The following CXCL6 variants were observed in gnomAD, a reference collection of about 807,000 sequenced individuals.
The protein encoded by CXCL6 is C-X-C motif chemokine ligand 6.
In CXCL6, 18 loss-of-function variants were observed where a neutral mutation model predicts 10.5. That is an observed-to-expected ratio of 1.71 (90% confidence interval 1.18 to 2.54). The LOEUF (loss-of-function observed/expected upper bound fraction) is 2.54, where lower values mean the gene tolerates loss of function less well. Among genes scored for constraint, CXCL6 ranks in the 30% most tolerant of loss-of-function variants. The probability of loss-of-function intolerance (pLI) is 0.00; values close to 1 mark genes in which losing one functional copy is unlikely to be tolerated. For missense variants in CXCL6, 171 were observed against 145.7 expected, an observed-to-expected ratio of 1.17 and a Z score of -0.90; for synonymous variants, 82 against 68.3, an observed-to-expected ratio of 1.20 and a Z score of -0.99.
In CXCL6 at chr4:73,837,604, ATAACTCTTTT is replaced by A; in HGVS notation, c.327-18_327-9del. ...GAGTGTGGGAATTGGTTATACTAAT[ATAACTCTTTT>A]CTCAACAGTGGAAACAAGAAAAACT... On this transcript the variant is annotated splice_polypyrimidine_tract_variant and intron_variant, in intron 3 of 3. Coordinates refer to ENST00000226317, the MANE Select transcript of CXCL6 (RefSeq NM_002993.4). 1.3e-6 allele frequency: 2 copies of A among 1,565,852 alleles called. No homozygotes were observed.
In CXCL6 at chr4:73,837,080, T is replaced by G; in HGVS notation, c.226T>G (p.Ser76Ala). The G allele has an allele frequency of 1.2e-6, 2 of 1,613,618 alleles. No individual in the cohort carries two copies. The highest frequency in any genetic ancestry group is 1.7e-6 in the Non-Finnish European group (2 of 1,179,742). The change falls in exon 2 of 4, where the codon TCC (serine) becomes GCC (alanine). Residue 76 changes from serine to alanine, a missense_variant. Coordinates refer to ENST00000226317, the MANE Select transcript of CXCL6 (RefSeq NM_002993.4). ...LQVFPAGPQC[S>A]KVEVVASLKN... ...GGTGTTCCCCGCAGGCCCGCAGTGCTCCAAGGTGGAAGTGGTGTAAGTTCT... is the reference window on the plus strand; with the variant it reads ...GGTGTTCCCCGCAGGCCCGCAGTGCGCCAAGGTGGAAGTGGTGTAAGTTCT...
In CXCL6 at chr4:73,838,361, A is replaced by G. The variant is rs931261796; in HGVS notation, c.*720A>G. Reference sequence around the variant, plus strand: ...ATTTTGTATGCTATTTTTTCACTATAGGATGACTATAATTCTGGTCACTAA... The same window carrying G: ...ATTTTGTATGCTATTTTTTCACTATGGGATGACTATAATTCTGGTCACTAA... On this transcript the variant is annotated 3_prime_UTR_variant, in exon 4 of 4. Transcript: ENST00000226317. The G allele has an allele frequency of 3.9e-5, 6 of 152,194 alleles. No homozygotes were observed. Among genetic ancestry groups the G allele is most frequent in the Non-Finnish European group, 7.4e-5 (5 of 68,018 alleles). 9.4% of individuals were successfully genotyped at this position (152,194 alleles called of 1,614,324 possible).
At chr4:73,836,920 A>T (rs992277974) in intron 1 of CXCL6, 44 bp from the exon 2 acceptor site, 9 of 1,605,034 alleles carry the variant, frequency 5.6e-6, no homozygotes, top group Non-Finnish European at 7.7e-6. Context: ...GTTCCAGGGA[A>T]CTCTCCCAGC....
rs1731109615 is a variant in CXCL6, at chr4:73,836,759, C to T, written c.9C>T (p.Leu3=). Residue 3 remains leucine, a synonymous_variant, in exon 1 of 4, where the codon CTC becomes CTT. Coordinates refer to ENST00000226317, the MANE Select transcript of CXCL6 (RefSeq NM_002993.4). ...ACCCTCTCTTGACCACTATGAGCCT[C>T]CCGTCCAGCCGCGCGGCCCGTGTCC... MS[L]PSSRAARVPG... is the part of the protein sequence containing the mutation. The T allele has an allele frequency of 6.2e-7, 1 of 1,609,968 alleles. No homozygotes were observed. Among genetic ancestry groups the T allele is most frequent in the African/African-American group, 1.3e-5 (1 of 74,928 alleles).
At chr4:73,837,150 T>G in intron 2 of CXCL6, 53 bp from the exon 3 acceptor site, 3 of 1,613,690 alleles carry the variant, frequency 1.9e-6, no homozygotes, top group Admixed American at 1.7e-5. Flanking sequence ...TCCTCCAGCC[T>G]GGGTCGTCAA....
In CXCL6 at chr4:73,837,378, C is replaced by T. The variant is rs766602848; in HGVS notation, c.326+92C>T. 256 of 1,265,786 alleles carry T rather than the reference C, an allele frequency of 2.0e-4. 1 individual carries two copies. The highest frequency in any genetic ancestry group is 2.8e-4 in the Non-Finnish European group (242 of 878,650). 78.4% of individuals were successfully genotyped at this position (1,265,786 alleles called of 1,614,324 possible). ...CCTTATTCTCTCTGTAGGATTTAGA[C>T]TATGCTTAGAATTATAAGGTTGTTA... On this transcript the variant is annotated intron_variant, in intron 3 of 3. Transcript: ENST00000226317.
rs1469513124 is a variant in CXCL6 at position 73,836,869 on chromosome 4, C to T, written c.109+10C>T. On this transcript the variant is annotated intron_variant, in intron 1 of 3. Transcript: ENST00000226317. Reference sequence around the variant, plus strand: ...GGGCCCCTCGCCAGCGGTGAGAGCTCCTGGCACTGGGGTGCATCCCAGCCT... The same window carrying T: ...GGGCCCCTCGCCAGCGGTGAGAGCTTCTGGCACTGGGGTGCATCCCAGCCT... 5.0e-6 allele frequency: 8 copies of T among 1,612,290 alleles called. No individual in the cohort carries two copies. The highest frequency in any genetic ancestry group is 6.8e-6 in the Non-Finnish European group (8 of 1,179,016).
At chr4:73,837,476 A>G (rs1731130088) in intron 3 of CXCL6, 147 bp from the exon 4 acceptor site, 3 of 934,340 alleles carry the variant, frequency 3.2e-6, no homozygotes, top group South Asian at 3.0e-5. Context: ...TGCCTGAACA[A>G]TTACACAGAG....
chr4:73,837,698 T>C lies in CXCL6; in HGVS notation c.*57T>C, dbSNP rs1469777673. The C allele has an allele frequency of 7.0e-7, 1 of 1,426,098 alleles. No individual in the cohort carries two copies. The highest frequency in any genetic ancestry group is 2.5e-5 in the East Asian group (1 of 40,430). The allele number at this position is 1,426,098 out of a possible 1,614,324, so 88.3% of individuals were successfully genotyped here. ...CCCAGTCTTCAGCGGAGCAGTTTTCTGGAGATCCCTGGACCCAGTAAGAAT... is the reference window on the plus strand; with the variant it reads ...CCCAGTCTTCAGCGGAGCAGTTTTCCGGAGATCCCTGGACCCAGTAAGAAT... On this transcript the variant is annotated 3_prime_UTR_variant, in exon 4 of 4. Transcript: ENST00000226317.
rs1288340222 is a variant in CXCL6, at chr4:73,838,713, T to C, written c.*1072T>C. The C allele has an allele frequency of 6.5e-6, 1 of 152,676 alleles. No homozygotes were observed. The highest frequency in any genetic ancestry group is 2.4e-5 in the African/African-American group (1 of 41,474). The allele number at this position is 152,676 out of a possible 1,614,324, so 9.5% of individuals were successfully genotyped here. A position where few individuals can be genotyped will look rare whatever the true frequency, so the allele number is the denominator to read the frequency against. Reference sequence around the variant, plus strand: ...TTTTCCTGTGTGTCATGTTGGTTTTTGGTACTTGTATTGTCATTTGGAGAA... The same window carrying C: ...TTTTCCTGTGTGTCATGTTGGTTTTCGGTACTTGTATTGTCATTTGGAGAA... On this transcript the variant is annotated 3_prime_UTR_variant, in exon 4 of 4. Coordinates refer to ENST00000226317, the MANE Select transcript of CXCL6 (RefSeq NM_002993.4).
At chr4:73,837,181 A>G (rs767067704) in intron 2 of CXCL6, 22 bp from the exon 3 acceptor site, 2 of 1,614,024 alleles carry the variant, frequency 1.2e-6, no homozygotes, top group South Asian at 1.1e-5. Context: ...TCATGGGTGC[A>G]TCCTCTTTTT....
Position 73,837,199 on chromosome 4 carries a change from T to A in CXCL6, c.243-4T>A. 6.2e-7 allele frequency: 1 copy of A among 1,614,158 alleles called. No individual in the cohort carries two copies. Among genetic ancestry groups the A allele is most frequent in the South Asian group, 1.1e-5 (1 of 91,086 alleles). ...TGGGTGCATCCTCTTTTTCTTTACT[T>A]CAGAGCCTCCCTGAAGAACGGGAAG... On this transcript the variant is annotated splice_polypyrimidine_tract_variant and splice_region_variant and intron_variant, in intron 2 of 3. Coordinates refer to ENST00000226317, the MANE Select transcript of CXCL6 (RefSeq NM_002993.4).
At position 73,837,933 on chromosome 4, in the gene CXCL6, G is replaced by C. The variant is rs1731140918; in HGVS notation, c.*292G>C. On this transcript the variant is annotated 3_prime_UTR_variant, in exon 4 of 4. Transcript: ENST00000226317. ...GTGAGCAAAGAATCACTGGTTATTA[G>C]TCTTTCAATGAATATTGAATTGAAG... is the stretch of plus-strand genomic sequence containing the variant. 3.3e-6 allele frequency: 1 copy of C among 300,450 alleles called. No homozygotes were observed. Among genetic ancestry groups the C allele is most frequent in the African/African-American group, 2.2e-5 (1 of 46,284 alleles). The allele number at this position is 300,450 out of a possible 1,614,324, so 18.6% of individuals were successfully genotyped here.
At position 73,836,963 on chromosome 4, in the gene CXCL6, G is replaced by C. The variant is rs370325279; in HGVS notation, c.110-1G>C. 3.1e-6 allele frequency: 5 copies of C among 1,606,024 alleles called. No homozygotes were observed. The highest frequency in any genetic ancestry group is 4.3e-6 in the Non-Finnish European group (5 of 1,175,942). On this transcript the variant is annotated splice_acceptor_variant, in intron 1 of 3. Coordinates refer to ENST00000226317, the MANE Select transcript of CXCL6 (RefSeq NM_002993.4). LOFTEE classifies it high-confidence loss of function. ...CCTATAAAAATGTCTTTCTTCCCCA[G>C]CTGGTCCTGTCTCTGCTGTGCTGAC... is the stretch of plus-strand genomic sequence containing the variant.
chr4:73,838,485 A>G lies in CXCL6; in HGVS notation c.*844A>G, dbSNP rs184482233. On this transcript the variant is annotated 3_prime_UTR_variant, in exon 4 of 4. Coordinates refer to ENST00000226317, the MANE Select transcript of CXCL6 (RefSeq NM_002993.4). Reference sequence around the variant, plus strand: ...TCTCTTGGTTTTTTAAATAAAAGCAAAATTAACAATGATCTGTGCTCTGAA... The same window carrying G: ...TCTCTTGGTTTTTTAAATAAAAGCAGAATTAACAATGATCTGTGCTCTGAA... The G allele has an allele frequency of 1.3e-5, 2 of 152,714 alleles. No homozygotes were observed. Among genetic ancestry groups the G allele is most frequent in the Admixed American group, 6.5e-5 (1 of 15,302 alleles). 9.5% of individuals were successfully genotyped at this position (152,714 alleles called of 1,614,324 possible). A position where few individuals can be genotyped will look rare whatever the true frequency, so the allele number is the denominator to read the frequency against.
intron 3 of CXCL6, 161 bp downstream of exon 3, chr4:73,837,447 C>A: frequency 3.2e-6 from 3 of 925,126 alleles, no homozygotes; most frequent in South Asian, 1.5e-5. Context: ...CTGGGTAAAC[C>A]TTTATCACCA....
In CXCL6 at chr4:73,838,417, A is replaced by G. The variant is rs1201091149; in HGVS notation, c.*776A>G. The G allele has an allele frequency of 6.6e-6, 1 of 152,262 alleles. No individual in the cohort carries two copies. The highest frequency in any genetic ancestry group is 1.5e-5 in the Non-Finnish European group (1 of 68,016). 9.4% of individuals were successfully genotyped at this position (152,262 alleles called of 1,614,324 possible). ...CACTTTAGATAGATGAAGAAGCCCA[A>G]AAACAGATAAATTCCTGATTGCTAA... On this transcript the variant is annotated 3_prime_UTR_variant, in exon 4 of 4. Coordinates refer to ENST00000226317, the MANE Select transcript of CXCL6 (RefSeq NM_002993.4).
chr4:73,836,858 C>A lies in CXCL6; in HGVS notation c.108C>A (p.Ser36Arg). The change falls in exon 1 of 4, where the codon AGC (serine) becomes AGA (arginine). Residue 36 changes from serine to arginine, a missense_variant and splice_region_variant. Physicochemically the swap from Ser to Arg is moderately radical, Grantham distance 110. Coordinates refer to ENST00000226317, the MANE Select transcript of CXCL6 (RefSeq NM_002993.4). The part of the protein sequence containing the change: ...LLLTPPGPLA[S>R]AGPVSAVLTE... ...TGACGCCGCCGGGGCCCCTCGCCAG[C>A]GGTGAGAGCTCCTGGCACTGGGGTG... 2 of 1,612,224 alleles carry A rather than the reference C, an allele frequency of 1.2e-6. No homozygotes were observed.
At chr4:73,837,546 C>A in intron 3 of CXCL6, 77 bp from the exon 4 acceptor site, 2 of 1,424,428 alleles carry the variant, frequency 1.4e-6, no homozygotes, top group Non-Finnish European at 1.9e-6. Flanking sequence ...TTTCCCCCAC[C>A]AAACGCTTTT....
Sources: allele counts gnomAD v4.1 joint callset, GRCh38; gene constraint gnomAD v4.1.1; transcripts MANE v1.5; gene names NCBI Gene and HGNC (gene_info 2026-07-23, HGNC 2026-07-21).